Variants in TRPC4AP observed in about 807,000 individuals in gnomAD.
TRPC4AP encodes the protein short transient receptor potential channel 4-associated protein.
In TRPC4AP, 45 loss-of-function variants were observed where a neutral mutation model predicts 99.0. The ratio of observed to expected loss-of-function variants is 0.45; its 90% CI spans 0.36 to 0.58. The LOEUF (loss-of-function observed/expected upper bound fraction) is 0.58. Ranked by LOEUF, TRPC4AP falls within the 20% of genes least tolerant of loss-of-function variation. The pLI is 0.00. For synonymous variants in TRPC4AP, 408 were observed against 385.8 expected, an observed-to-expected ratio of 1.06 and a Z score of -0.67; for missense variants, 879 against 985.3, an observed-to-expected ratio of 0.89 and a Z score of 1.44.
chr20:35,010,013 A>G (rs1229288762), intron 12 of TRPC4AP, among the ~76,000 whole-genome samples, 174 bp downstream of exon 12: 1 of 152,224 alleles, frequency 6.6e-6, no homozygotes, highest in African/African-American at 2.4e-5. Context: ...TGAGGCTCCA[A>G]TGAGAAAATG....
intron 2 of TRPC4AP, among the ~76,000 whole-genome samples, chr20:35,073,069 A>G (rs1192907322): frequency 2.0e-5 from 3 of 151,964 alleles, no homozygotes; most frequent in African/African-American, 7.2e-5. Context: ...TTCACTCATG[A>G]TTTGGCTGTC....
intron 12 of TRPC4AP, among the ~76,000 whole-genome samples, 178 bp from the exon 13 acceptor site, chr20:35,008,925 C>T (rs1032482998): frequency 1.3e-5 from 2 of 152,208 alleles, no homozygotes; most frequent in African/African-American, 4.8e-5. Flanking sequence ...CAGAATTAAA[C>T]TGCCAAGTGC....
intron 4 of TRPC4AP, among the ~76,000 whole-genome samples, chr20:35,057,199 A>G (rs2083855107): frequency 6.6e-6 from 1 of 152,192 alleles, no homozygotes; most frequent in Non-Finnish European, 1.5e-5. Context: ...TAAAAAAAAT[A>G]AAACAGAGTG....
chr20:35,091,281 G>A (rs575288711), intron 1 of TRPC4AP, among the ~76,000 whole-genome samples: 3 of 151,956 alleles, frequency 2.0e-5, no homozygotes, highest in Admixed American at 6.6e-5. Flanking sequence ...CTTAAGTCAG[G>A]TCTTAAGAAC....
chr20:35,078,274 T>C, intron 1 of TRPC4AP, 100 bp from the exon 2 acceptor site: 2 of 1,277,230 alleles, frequency 1.6e-6, no homozygotes, highest in Non-Finnish European at 2.2e-6. Context: ...CCCAGGACAG[T>C]TACAAATTTA....
intron 8 of TRPC4AP, among the ~76,000 whole-genome samples, chr20:35,030,109 C>G (rs998193876): frequency 1.3e-5 from 2 of 151,170 alleles, no homozygotes; most frequent in African/African-American, 4.8e-5. Context: ...GGCATGGTGG[C>G]ACATGCCTGT....
At chr20:35,045,137 C>T (rs1367195199) in intron 6 of TRPC4AP, among the ~76,000 whole-genome samples, 1 of 152,124 alleles carries the variant, frequency 6.6e-6, no homozygotes, top group Non-Finnish European at 1.5e-5. Context: ...CCCATCCAGT[C>T]GCATTTTTTT....
intron 3 of TRPC4AP, among the ~76,000 whole-genome samples, chr20:35,058,687 C>CT (rs71196781): frequency 0.55 from 60,853 of 110,304 alleles, 18,530 homozygotes; most frequent in Middle Eastern, 0.69. Flanking sequence ...AAAGAAAATT[C>CT]TTTTTTTTTT....
intron 10 of TRPC4AP, among the ~76,000 whole-genome samples, chr20:35,014,314 ATTTTTT>A (rs66518839): frequency 2.7e-5 from 3 of 113,184 alleles, no homozygotes; most frequent in African/African-American, 1.1e-4. Flanking sequence ...CTCAGGCAGA[ATTTTTT>A]TTTTTTTTTT....
intron 9 of TRPC4AP, among the ~76,000 whole-genome samples, chr20:35,017,355 G>A (rs1275037310): frequency 6.6e-6 from 1 of 152,202 alleles, no homozygotes; most frequent in Non-Finnish European, 1.5e-5. Flanking sequence ...AAAATTAGCT[G>A]CTTCATGGAA....
At chr20:35,047,873 T>A (rs186025581) in intron 6 of TRPC4AP, among the ~76,000 whole-genome samples, 1 of 152,056 alleles carries the variant, frequency 6.6e-6, no homozygotes, top group Non-Finnish European at 1.5e-5. Context: ...CATGGCAAAA[T>A]ACTGATGCCT....
At chr20:35,057,376 G>C (rs925177793) in intron 4 of TRPC4AP, 138 bp downstream of exon 4, 26 of 664,356 alleles carry the variant, frequency 3.9e-5, no homozygotes, top group Middle Eastern at 2.7e-4. Flanking sequence ...TGGGGGAGGA[G>C]AGAGCAACCT....
intron 1 of TRPC4AP, among the ~76,000 whole-genome samples, chr20:35,091,561 T>G (rs2085067424): frequency 6.6e-6 from 1 of 152,192 alleles, no homozygotes; most frequent in South Asian, 2.1e-4. Flanking sequence ...TTGAGTATCC[T>G]TCAAACTTTT....
chr20:35,012,044 C>G (rs1476677802), intron 11 of TRPC4AP, among the ~76,000 whole-genome samples: 1 of 152,224 alleles, frequency 6.6e-6, no homozygotes, highest in African/African-American at 2.4e-5. Context: ...CCACAGAGTA[C>G]TCAGACTGAA....
At chr20:35,090,142 T>A (rs2085011367) in intron 1 of TRPC4AP, among the ~76,000 whole-genome samples, 1 of 139,888 alleles carries the variant, frequency 7.1e-6, no homozygotes. Context: ...TTCTGCAGGA[T>A]GGGAGAGAGG....
rs187505889 is a variant in TRPC4AP, at chr20:35,069,216, C to T, written c.414+80G>A. On this transcript the variant is annotated intron_variant, in intron 3 of 18. Transcript: ENST00000252015. ...AAATGTTATAAATTCTGAAATCTTT[C>T]CTATCTCCCATTTCAAAAGTTAAAT... 6 of 783,872 alleles carry T rather than the reference C, an allele frequency of 7.7e-6. No homozygotes were observed. The East Asian group carries it at 1.0e-4, about 13-fold the overall frequency. 48.6% of individuals were successfully genotyped at this position (783,872 alleles called of 1,614,324 possible).
At chr20:35,031,159 A>T (rs1276195621) in intron 8 of TRPC4AP, among the ~76,000 whole-genome samples, 1 of 152,028 alleles carries the variant, frequency 6.6e-6, no homozygotes, top group African/African-American at 2.4e-5. Context: ...GTCAGCCACT[A>T]ATCTTATTGG....
chr20:35,058,445 C>G (rs1168706793), intron 3 of TRPC4AP, among the ~76,000 whole-genome samples: 2 of 152,094 alleles, frequency 1.3e-5, no homozygotes, highest in Non-Finnish European at 2.9e-5. Context: ...GCACTTAAAT[C>G]ACATACAGTA....
chr20:35,030,619 A>AT (rs2083166274), intron 8 of TRPC4AP, among the ~76,000 whole-genome samples: 1 of 152,178 alleles, frequency 6.6e-6, no homozygotes, highest in African/African-American at 2.4e-5. Context: ...TTACCCTCTT[A>AT]TTACCATTTT....
Sources: allele counts gnomAD v4.1 joint callset (sites outside exome capture counted in the v4.1 genomes callset), GRCh38; gene constraint gnomAD v4.1.1; transcripts MANE v1.5; gene names NCBI Gene and HGNC (gene_info 2026-07-23, HGNC 2026-07-21).